SP2: variants seen among roughly 807,000 people sequenced by gnomAD.
SP2 encodes transcription factor Sp2.
Under a neutral mutation model 50.1 loss-of-function variants are expected in SP2, and 9 were observed. That is an observed-to-expected ratio of 0.18 (90% CI 0.11 to 0.31). The LOEUF is 0.31. Ranked by LOEUF, SP2 falls within the 10% of genes least tolerant of loss-of-function variation. The pLI is 1.00. For missense variants in SP2, 581 were observed against 806.5 expected, an observed-to-expected ratio of 0.72 and a Z score of 3.39; for synonymous variants, 313 against 326.6, an observed-to-expected ratio of 0.96 and a Z score of 0.45.
intron 6 of SP2, among the ~76,000 whole-genome samples, chr17:47,926,720 TC>T (rs1356269983): frequency 6.6e-6 from 1 of 151,894 alleles, no homozygotes; most frequent in African/African-American, 2.4e-5. Flanking sequence ...GCCTAGGAGT[TC>T]GAGACCAGCC....
chr17:47,929,289 C>G (rs1246708372), downstream of SP2, among the ~76,000 whole-genome samples: 1 of 152,240 alleles, frequency 6.6e-6, no homozygotes, highest in Non-Finnish European at 1.5e-5. Flanking sequence ...CTTAGCTCTT[C>G]CACCCACCTC....
At chr17:47,914,384 AAAG>A (rs2035108803) in intron 1 of SP2, among the ~76,000 whole-genome samples, 1 of 152,118 alleles carries the variant, frequency 6.6e-6, no homozygotes, top group South Asian at 2.1e-4. Context: ...AAAAAAAAAA[AAAG>A]AATTGACCCA....
chr17:47,931,520 C>A (rs1226695491), downstream of SP2, among the ~76,000 whole-genome samples: 1 of 152,040 alleles, frequency 6.6e-6, no homozygotes, highest in Non-Finnish European at 1.5e-5. Context: ...GAGCCCTGAG[C>A]GGATGGATGA....
downstream of SP2, among the ~76,000 whole-genome samples, chr17:47,930,270 G>T (rs1157081492): frequency 1.3e-5 from 2 of 152,190 alleles, no homozygotes; most frequent in African/African-American, 4.8e-5. Flanking sequence ...GGAGAGAAGG[G>T]GAATATTAAC....
chr17:47,901,311 C>T (rs2034532621), intron 1 of SP2, among the ~76,000 whole-genome samples: 1 of 152,046 alleles, frequency 6.6e-6, no homozygotes, highest in South Asian at 2.1e-4. Context: ...CCACACCCAG[C>T]TAATTTTGTA....
chr17:47,919,825 CTTTTTTTTT>C (rs141856390), intron 3 of SP2, among the ~76,000 whole-genome samples: 1 of 94,800 alleles, frequency 1.1e-5, no homozygotes, highest in Non-Finnish European at 1.9e-5. Flanking sequence ...TTTGTCATTC[CTTTTTTTTT>C]TTTTTTTTTT....
At chr17:47,896,352 CAGAGGCCGCGGGG>C (rs747223226) in intron 1 of SP2, 59 bp downstream of exon 1, 3 of 1,224,062 alleles carry the variant, frequency 2.5e-6, no homozygotes, top group Non-Finnish European at 3.1e-6. Context: ...GGAAGACGGG[CAGAGGCCGCGGGG>C]AGAGGGAGCC....
intron 3 of SP2, among the ~76,000 whole-genome samples, chr17:47,918,765 A>C (rs2035315085): frequency 6.6e-6 from 1 of 152,196 alleles, no homozygotes; most frequent in African/African-American, 2.4e-5. Context: ...TACATTTTTA[A>C]AAAATTTGTA....
chr17:47,920,427 C>T (rs2035405388), intron 3 of SP2, among the ~76,000 whole-genome samples: 6 of 152,058 alleles, frequency 3.9e-5, no homozygotes, highest in Admixed American at 3.9e-4. Flanking sequence ...GCTGAGACTA[C>T]AGGCGAGCGC....
At chr17:47,915,565 T>C (rs2035165332) in intron 2 of SP2, among the ~76,000 whole-genome samples, 177 bp downstream of exon 2, 2 of 152,200 alleles carry the variant, frequency 1.3e-5, no homozygotes, top group South Asian at 4.1e-4. Flanking sequence ...GGTGCCGCAG[T>C]TGGGCCAGGG....
At position 47,925,905 on chromosome 17, in the gene SP2, C is replaced by CTTTTT. The variant is rs71141942; in HGVS notation, c.1741+388_1741+392dup. 3.8e-4 allele frequency among the ~76,000 whole-genome samples: 32 copies of CTTTTT among 84,438 alleles called. 2 individuals are homozygous for CTTTTT. Among genetic ancestry groups the CTTTTT allele is most frequent in the African/African-American group, 1.4e-3 (29 of 20,854 alleles). 55.4% of individuals were successfully genotyped at this position (84,438 alleles called of 152,430 possible). A position where few individuals can be genotyped will look rare whatever the true frequency, so the allele number is the denominator to read the frequency against. ...TTATGGGAAGATACTTTGTTTATGC[C>CTTTTT]TTTTTTTTTTTTTTTTTTTTTTTTT... On this transcript the variant is annotated intron_variant, in intron 6 of 6. Transcript: ENST00000376741.
Position 47,928,484 on chromosome 17 carries a change from A to G in SP2, c.*660A>G, listed in dbSNP as rs1171294966. The G allele has an allele frequency of 6.6e-6, 1 of 152,664 alleles. No individual in the cohort carries two copies. Among genetic ancestry groups the G allele is most frequent in the African/African-American group, 2.4e-5 (1 of 41,422 alleles). The allele number at this position is 152,664 out of a possible 1,614,324, so 9.5% of individuals were successfully genotyped here. On this transcript the variant is annotated 3_prime_UTR_variant, in exon 7 of 7. Transcript: ENST00000376741. ...GTGTGCTTTAAAGAAGTTTTATTTA[A>G]TTGCTCCCTTCTTCCTTTCCTTGTT...
rs1420546588 is a variant in SP2, at chr17:47,923,242, A to G, written c.1340A>G (p.Gln447Arg). ...QTININGVQV[Q>R]GVPVTITNTG... is the part of the protein sequence containing the mutation. ...ATCAACATCAATGGTGTCCAGGTCCAGGGCGTGCCTGTCACCATCACCAAC... is the reference window on the plus strand; with the variant it reads ...ATCAACATCAATGGTGTCCAGGTCCGGGGCGTGCCTGTCACCATCACCAAC... The change falls in exon 4 of 7, where the codon CAG becomes CGG. Residue 447 changes from glutamine to arginine, a missense_variant. Physicochemically the swap from Gln to Arg is conservative, Grantham distance 43. Transcript: ENST00000376741. 6 of 1,607,666 alleles carry G rather than the reference A, an allele frequency of 3.7e-6. No homozygotes were observed. The highest frequency in any genetic ancestry group is 1.7e-6 in the Non-Finnish European group (2 of 1,179,602).
Position 47,917,118 on chromosome 17 carries a change from G to A in SP2, c.1047G>A (p.Pro349=), listed in dbSNP as rs538528966. Reference sequence around the variant, plus strand: ...ACTTTCAGATCCAGGCAGCTGAGCCGACACCTACTCAGGTACCACACTCCC... The same window carrying A: ...ACTTTCAGATCCAGGCAGCTGAGCCAACACCTACTCAGGTACCACACTCCC... ...SQNFQIQAAE[P]TPTQVYIRTP... The change falls in exon 3 of 7, where the codon CCG becomes CCA. Residue 349 remains proline, a synonymous_variant. Transcript: ENST00000376741. 9.9e-6 allele frequency: 16 copies of A among 1,608,854 alleles called. No individual in the cohort carries two copies. Among genetic ancestry groups the A allele is most frequent in the South Asian group, 7.7e-5 (7 of 90,326 alleles).
Position 47,925,427 on chromosome 17 carries a change from C to T in SP2, c.1627C>T (p.Arg543Cys), listed in dbSNP as rs1225661309. The change falls in exon 6 of 7, where the codon CGT (arginine) becomes TGT (cysteine). Residue 543 changes from arginine (R) to cysteine (C), a missense_variant. Around this residue, in one of 2 missense-constraint regions of SP2, gnomAD observed 184 missense variants for 315.5 expected, o/e 0.58. Transcript: ENST00000376741. ...GACGTTCCGTAAGACGTCCTTGCTG[C>T]GTGCCCATGTGCGCCTGCACACTGG... is the stretch of plus-strand genomic sequence containing the variant. Reference protein sequence around the residue: ...GKTFRKTSLLRAHVRLHTGER... With the variant: ...GKTFRKTSLLCAHVRLHTGER... The T allele has an allele frequency of 1.5e-5, 25 of 1,614,106 alleles. No homozygotes were observed. The highest frequency in any genetic ancestry group is 2.0e-5 in the Non-Finnish European group (24 of 1,180,032).
intron 1 of SP2, among the ~76,000 whole-genome samples, chr17:47,911,283 T>G (rs2034973269): frequency 6.6e-6 from 1 of 152,132 alleles, no homozygotes; most frequent in Non-Finnish European, 1.5e-5. Flanking sequence ...GATTCATGCC[T>G]GTAATCCCAG....
chr17:47,896,342 G>A (rs998887970), intron 1 of SP2, 49 bp downstream of exon 1: 1 of 1,233,118 alleles, frequency 8.1e-7, no homozygotes, highest in Non-Finnish European at 1.0e-6. Flanking sequence ...CCAAGGGTCA[G>A]GAAGACGGGC....
At chr17:47,914,243 T>C (rs2035100494) in intron 1 of SP2, among the ~76,000 whole-genome samples, 1 of 152,088 alleles carries the variant, frequency 6.6e-6, no homozygotes. Flanking sequence ...TGGTGGTACA[T>C]GCCTGTAATC....
At chr17:47,926,771 A>G (rs1213080637) in intron 6 of SP2, among the ~76,000 whole-genome samples, 1 of 151,780 alleles carries the variant, frequency 6.6e-6, no homozygotes, top group Non-Finnish European at 1.5e-5. Flanking sequence ...AAAAAAAAAA[A>G]GGATTATACA....
Sources: allele counts gnomAD v4.1 joint callset (sites outside exome capture counted in the v4.1 genomes callset), GRCh38; gene constraint gnomAD v4.1.1; regional missense constraint gnomAD v4.1.1; transcripts MANE v1.5; gene names NCBI Gene and HGNC (gene_info 2026-07-23, HGNC 2026-07-21).